IKZF2: variants seen among roughly 807,000 people sequenced by gnomAD.
IKZF2 encodes zinc finger protein Helios.
IKZF2 carries 15 observed loss-of-function variants against 49.2 expected under a neutral mutation model. The observed-to-expected ratio is 0.30, with a 90% CI of 0.20 to 0.47. The LOEUF (loss-of-function observed/expected upper bound fraction) is 0.47, where lower values mean the gene tolerates loss of function less well. IKZF2 is among the 20% of genes least tolerant of loss of function. The pLI, the probability that IKZF2 is intolerant of heterozygous loss-of-function variation, is 1.00. For missense variants in IKZF2, 567 were observed against 664.6 expected (o/e 0.85, Z 1.61); for synonymous variants, 227 against 221.4 (o/e 1.03, Z -0.23).
intron 6 of IKZF2, among the ~76,000 whole-genome samples, chr2:213,025,790 G>A (rs974993803): frequency 6.6e-6 from 1 of 152,052 alleles, no homozygotes; most frequent in African/African-American, 2.4e-5. Context: ...TGTTACCACT[G>A]TTCTAATACT....
At chr2:213,103,020 T>C (rs1706892123) in intron 4 of IKZF2, among the ~76,000 whole-genome samples, 2 of 152,144 alleles carry the variant, frequency 1.3e-5, no homozygotes, top group East Asian at 3.9e-4. Flanking sequence ...GTGGTCAGGA[T>C]AATGGCAATA....
At chr2:213,066,506 C>A (rs1192699963) in intron 4 of IKZF2, among the ~76,000 whole-genome samples, 1 of 152,068 alleles carries the variant, frequency 6.6e-6, no homozygotes, top group Non-Finnish European at 1.5e-5. Context: ...AAACACTGTA[C>A]TACTGGTCTG....
At chr2:213,091,680 A>G (rs1393205271) in intron 4 of IKZF2, among the ~76,000 whole-genome samples, 1 of 152,208 alleles carries the variant, frequency 6.6e-6, no homozygotes, top group Non-Finnish European at 1.5e-5. Context: ...TCAAGGCTGG[A>G]TTTATGAAAG....
intron 4 of IKZF2, among the ~76,000 whole-genome samples, chr2:213,069,165 G>A (rs1209443209): frequency 6.6e-6 from 1 of 152,060 alleles, no homozygotes; most frequent in Non-Finnish European, 1.5e-5. Context: ...GGTTTCCAGG[G>A]AGGGGAATGC....
intron 6 of IKZF2, among the ~76,000 whole-genome samples, chr2:213,045,631 G>T (rs1443446890): frequency 6.6e-6 from 1 of 152,198 alleles, no homozygotes; most frequent in Non-Finnish European, 1.5e-5. Context: ...AGAGATATAT[G>T]CTATAGAATA....
At chr2:213,059,011 T>A (rs1164685295) in intron 4 of IKZF2, among the ~76,000 whole-genome samples, 1 of 151,854 alleles carries the variant, frequency 6.6e-6, no homozygotes, top group East Asian at 1.9e-4. Context: ...AATTATTTCT[T>A]GTTTCTTGCT....
At chr2:213,131,745 G>A (rs984109087) in intron 4 of IKZF2, among the ~76,000 whole-genome samples, 1 of 152,108 alleles carries the variant, frequency 6.6e-6, no homozygotes, top group South Asian at 2.1e-4. Context: ...ACTGCCTTCT[G>A]GGTAAGACTA....
intron 6 of IKZF2, among the ~76,000 whole-genome samples, chr2:213,044,884 G>A (rs1375194607): frequency 6.6e-6 from 1 of 152,132 alleles, no homozygotes; most frequent in Admixed American, 6.5e-5. Context: ...TTTTGGTAGT[G>A]GGGCAATGAT....
chr2:213,147,514 G>A, intron 4 of IKZF2, 194 bp downstream of exon 4: 1 of 686,166 alleles, frequency 1.5e-6, no homozygotes, highest in Middle Eastern at 3.0e-4. Context: ...CCTTGGGATA[G>A]TTCAGACTAG....
intron 4 of IKZF2, among the ~76,000 whole-genome samples, chr2:213,124,448 T>C (rs1052457405): frequency 1.3e-5 from 2 of 152,164 alleles, no homozygotes; most frequent in Non-Finnish European, 2.9e-5. Flanking sequence ...GGGATTATCT[T>C]TAGGTCAAAG....
At chr2:213,092,624 G>A (rs1239111154) in intron 4 of IKZF2, among the ~76,000 whole-genome samples, 1 of 152,176 alleles carries the variant, frequency 6.6e-6, no homozygotes, top group Non-Finnish European at 1.5e-5. Flanking sequence ...GCCCAGCTCA[G>A]TCAAGGGTGC....
At chr2:213,073,472 C>T (rs1252199519) in intron 4 of IKZF2, among the ~76,000 whole-genome samples, 1 of 152,140 alleles carries the variant, frequency 6.6e-6, no homozygotes, top group Non-Finnish European at 1.5e-5. Context: ...CCATTATTGA[C>T]ATGATCTATG....
intron 4 of IKZF2, among the ~76,000 whole-genome samples, chr2:213,146,370 C>T (rs569226562): frequency 6.6e-6 from 1 of 152,142 alleles, no homozygotes; most frequent in Non-Finnish European, 1.5e-5. Context: ...CATTCACCTG[C>T]TAACTTTACT....
At chr2:213,049,556 G>A (rs1700488851) in intron 6 of IKZF2, among the ~76,000 whole-genome samples, 157 bp downstream of exon 6, 1 of 152,122 alleles carries the variant, frequency 6.6e-6, no homozygotes, top group East Asian at 1.9e-4. Flanking sequence ...AAAGATACAT[G>A]CATCCTGCAA....
rs1424568778 is a variant in IKZF2 at position 213,150,169 on chromosome 2, A to C, written c.-41T>G. 7 of 1,303,666 alleles carry C rather than the reference A, an allele frequency of 5.4e-6. No individual in the cohort carries two copies. In the Admixed American group the frequency reaches 1.4e-4, roughly 26 times the overall value. 80.8% of individuals were successfully genotyped at this position (1,303,666 alleles called of 1,614,324 possible). A position where few individuals can be genotyped will look rare whatever the true frequency, so the allele number is the denominator to read the frequency against. ...AAAAGAAATTGTCCTTTGATTAAAA[A>C]AGATTCATCACCATTTCCAGCTCTG... On this transcript the variant is annotated 5_prime_UTR_variant, in exon 2 of 9. Transcript: ENST00000434687.
rs778618484 is a variant in IKZF2, at chr2:213,008,128, ATAC to A, written c.857-47_857-45del. The A allele has an allele frequency of 7.9e-3, 10,873 of 1,378,624 alleles. 4 individuals carry two copies. Among genetic ancestry groups the A allele is most frequent in the Non-Finnish European group, 9.3e-3 (9,577 of 1,025,080 alleles). The allele number at this position is 1,378,624 out of a possible 1,614,324, so 85.4% of individuals were successfully genotyped here. A position where few individuals can be genotyped will look rare whatever the true frequency, so the allele number is the denominator to read the frequency against. On this transcript the variant is annotated intron_variant, in intron 8 of 8. Coordinates refer to ENST00000434687, the MANE Select transcript of IKZF2 (RefSeq NM_001387220.1). The stretch of plus-strand genomic sequence containing the variant: ...TGAAAGAAGTAAAAAAAAAAAAAAA[ATAC>A]AACAACATTAGTATCAGATTAAAAA...
chr2:213,086,159 C>T (rs1704565285), intron 4 of IKZF2, among the ~76,000 whole-genome samples: 1 of 152,154 alleles, frequency 6.6e-6, no homozygotes, highest in South Asian at 2.1e-4. Flanking sequence ...TCACCTAAAA[C>T]ACTGTACTAG....
intron 5 of IKZF2, among the ~76,000 whole-genome samples, chr2:213,050,122 A>C (rs1700540956): frequency 1.3e-5 from 2 of 152,194 alleles, no homozygotes; most frequent in South Asian, 4.1e-4. Context: ...TCATTGACTC[A>C]GAAGAATAAC....
At chr2:213,066,975 G>A (rs928077319) in intron 4 of IKZF2, among the ~76,000 whole-genome samples, 7 of 152,074 alleles carry the variant, frequency 4.6e-5, no homozygotes, top group African/African-American at 9.7e-5. Flanking sequence ...AAACTGTGAA[G>A]ACTGGAAAAG....
Sources: allele counts gnomAD v4.1 joint callset (sites outside exome capture counted in the v4.1 genomes callset), GRCh38; gene constraint gnomAD v4.1.1; transcripts MANE v1.5; gene names NCBI Gene and HGNC (gene_info 2026-07-23, HGNC 2026-07-21).